HEXB: variants seen among roughly 807,000 people sequenced by gnomAD.
The protein encoded by HEXB is beta-hexosaminidase subunit beta.
A neutral mutation model predicts 71.2 loss-of-function variants in HEXB; 51 were observed. The observed-to-expected ratio is 0.72, with a 90% CI of 0.57 to 0.90. HEXB has a LOEUF of 0.90. HEXB is among the 40% of genes least tolerant of loss of function. The pLI is 0.00. For missense variants in HEXB, 617 were observed against 677.0 expected, an observed-to-expected ratio of 0.91 and a Z score of 0.98; for synonymous variants, 266 against 249.3, an observed-to-expected ratio of 1.07 and a Z score of -0.63.
At position 74,699,074 on chromosome 5, in the gene HEXB, A is replaced by C. The variant is rs569060386; in HGVS notation, c.669+1968A>C. On this transcript the variant is annotated intron_variant, in intron 5 of 13. Coordinates refer to ENST00000261416, the MANE Select transcript of HEXB (RefSeq NM_000521.4). The stretch of plus-strand genomic sequence containing the variant: ...GTGGTGCACGCCTGTAATTCCAGCT[A>C]CTTGGGAGGCTGAGACACAAAATCG... Among the ~76,000 whole-genome samples, 41 of 152,080 alleles carry C rather than the reference A, an allele frequency of 2.7e-4. 1 individual carries two copies. The highest frequency in any genetic ancestry group is 8.9e-4 in the African/African-American group (37 of 41,516).
At chr5:74,640,481 G>A (rs1167952153) in exon 1 of HEXB, 1 of 152,320 alleles carries the variant, frequency 6.6e-6, no homozygotes, top group Non-Finnish European at 1.5e-5. Context: ...GCTACCGATG[G>A]CGTTCGCCTC....
intron 3 of HEXB, among the ~76,000 whole-genome samples, chr5:74,693,929 G>A (rs577481209): frequency 8.9e-4 from 136 of 152,332 alleles, no homozygotes; most frequent in African/African-American, 3.1e-3. Context: ...GGCTGAGGTA[G>A]GTGATGATTG....
chr5:74,716,172 A>C (rs1749669253), intron 8 of HEXB, among the ~76,000 whole-genome samples: 1 of 152,134 alleles, frequency 6.6e-6, no homozygotes, highest in African/African-American at 2.4e-5. Context: ...AGATTTGTGG[A>C]GAATGTACAT....
intron 1 of HEXB, among the ~76,000 whole-genome samples, chr5:74,657,187 T>C (rs1224433297): frequency 6.6e-6 from 1 of 152,138 alleles, no homozygotes; most frequent in Non-Finnish European, 1.5e-5. Flanking sequence ...ATGTACACTT[T>C]ATACCCTCCA....
chr5:74,671,201 T>C (rs890120740), intron 1 of HEXB, among the ~76,000 whole-genome samples: 1 of 152,070 alleles, frequency 6.6e-6, no homozygotes, highest in African/African-American at 2.4e-5. Flanking sequence ...CCCATAAAAA[T>C]AATAATCGTC....
At chr5:74,711,780 A>T (rs1309902097) in intron 6 of HEXB, among the ~76,000 whole-genome samples, 3 of 152,040 alleles carry the variant, frequency 2.0e-5, no homozygotes, top group African/African-American at 7.3e-5. Context: ...AAAGTCAGGA[A>T]ACAACAGGTG....
chr5:74,717,727 A>C (rs1184172443), intron 9 of HEXB, among the ~76,000 whole-genome samples: 1 of 152,074 alleles, frequency 6.6e-6, no homozygotes, highest in Non-Finnish European at 1.5e-5. Flanking sequence ...ACATACAAAA[A>C]CAGCCTGCAA....
upstream of HEXB, among the ~76,000 whole-genome samples, chr5:74,682,212 G>T (rs1748750783): frequency 6.6e-6 from 1 of 152,174 alleles, no homozygotes. Context: ...CAAAAAATTA[G>T]CCGGGCGTGG....
At chr5:74,687,108 C>T (rs1748892578) in intron 1 of HEXB, among the ~76,000 whole-genome samples, 2 of 152,194 alleles carry the variant, frequency 1.3e-5, no homozygotes, top group Non-Finnish European at 2.9e-5. Context: ...AACTCATGGC[C>T]TCTGAGTGAA....
chr5:74,681,532 T>G (rs1024024633), upstream of HEXB, among the ~76,000 whole-genome samples: 10 of 152,294 alleles, frequency 6.6e-5, no homozygotes, highest in East Asian at 1.5e-3. Context: ...CCACCCTGAG[T>G]AACATAGTGA....
In HEXB at chr5:74,671,973, G is replaced by A. The variant is rs374150168; in HGVS notation, c.-376-17355G>A. ...TGGTGAGAATAGGTGGCGGCCACTC[G>A]TTTGCTGTTGGTTATTCCTGCTTCT... On this transcript the variant is annotated intron_variant, in intron 1 of 13. Coordinates refer to the HEXB transcript ENST00000511181. Among the ~76,000 whole-genome samples, 207 of 152,324 alleles carry A rather than the reference G, an allele frequency of 1.4e-3. 1 individual carries two copies. The highest frequency in any genetic ancestry group is 1.7e-3 in the Non-Finnish European group (118 of 68,028).
chr5:74,656,607 A>G (rs561629483), intron 1 of HEXB, among the ~76,000 whole-genome samples: 7 of 152,156 alleles, frequency 4.6e-5, no homozygotes, highest in Non-Finnish European at 8.8e-5. Flanking sequence ...GGAACGTTCT[A>G]AAATCTTTTT....
intron 9 of HEXB, chr5:74,716,972 C>A (rs555375553): frequency 2.0e-5 from 5 of 253,468 alleles, no homozygotes; most frequent in African/African-American, 9.2e-5. Context: ...GGTGGATCAC[C>A]GGAGGCCAGG....
At chr5:74,655,669 TC>T in intron 1 of HEXB, among the ~76,000 whole-genome samples, 1 of 152,166 alleles carries the variant, frequency 6.6e-6, no homozygotes, top group Non-Finnish European at 1.5e-5. Context: ...TCTTGAATTT[TC>T]TCCACATATA....
At chr5:74,694,543 AT>A (rs1322672910) in intron 3 of HEXB, among the ~76,000 whole-genome samples, 1 of 152,164 alleles carries the variant, frequency 6.6e-6, no homozygotes, top group Non-Finnish European at 1.5e-5. Flanking sequence ...ACCTCAGGAC[AT>A]TTGCTGTTCA....
chr5:74,658,497 G>T (rs1479715572), intron 1 of HEXB, among the ~76,000 whole-genome samples: 2 of 151,998 alleles, frequency 1.3e-5, no homozygotes, highest in Non-Finnish European at 2.9e-5. Context: ...GAGAGTAGAG[G>T]CTTTGGGTCA....
At chr5:74,651,216 A>G (rs1748101739) in intron 1 of HEXB, among the ~76,000 whole-genome samples, 3 of 152,224 alleles carry the variant, frequency 2.0e-5, no homozygotes, top group Non-Finnish European at 4.4e-5. Context: ...TACTTTGCCC[A>G]GGATCACATA....
intron 1 of HEXB, among the ~76,000 whole-genome samples, chr5:74,663,454 G>C (rs1034348659): frequency 6.6e-6 from 1 of 152,140 alleles, no homozygotes; most frequent in East Asian, 1.9e-4. Context: ...GCCTCCCAAA[G>C]TGTTGGGATT....
upstream of HEXB, among the ~76,000 whole-genome samples, chr5:74,680,381 G>C (rs1194131869): frequency 6.6e-6 from 1 of 152,154 alleles, no homozygotes; most frequent in Non-Finnish European, 1.5e-5. Context: ...TTTGTGTCGG[G>C]GAGGAGTGGG....
Sources: allele counts gnomAD v4.1 joint callset (sites outside exome capture counted in the v4.1 genomes callset), GRCh38; gene constraint gnomAD v4.1.1; transcripts MANE v1.5; gene names NCBI Gene and HGNC (gene_info 2026-07-23, HGNC 2026-07-21).